Variants in MKLN1 observed in about 807,000 individuals in gnomAD.
The protein encoded by MKLN1 is muskelin 1.
MKLN1 carries 18 observed loss-of-function variants against 99.0 expected under a neutral mutation model. The observed-to-expected ratio is 0.18, with a 90% CI of 0.13 to 0.27. The LOEUF (loss-of-function observed/expected upper bound fraction) is 0.27, where lower values mean the gene tolerates loss of function less well. Among genes scored for constraint, MKLN1 ranks in the 10% least tolerant of loss-of-function variants. The pLI, the probability that MKLN1 is intolerant of heterozygous loss-of-function variation, is 1.00. For missense variants in MKLN1, 621 were observed against 875.9 expected (o/e 0.71, Z 3.67); for synonymous variants, 288 against 293.2 (o/e 0.98, Z 0.18).
At chr7:131,407,133 T>C (rs949625355) in intron 6 of MKLN1, among the ~76,000 whole-genome samples, 4 of 152,208 alleles carry the variant, frequency 2.6e-5, no homozygotes, top group African/African-American at 9.6e-5. Flanking sequence ...TTAGTGTCTC[T>C]TTCTTACACT....
intron 1 of MKLN1, among the ~76,000 whole-genome samples, chr7:131,348,088 A>G (rs1799615480): frequency 6.6e-6 from 1 of 152,214 alleles, no homozygotes; most frequent in African/African-American, 2.4e-5. Flanking sequence ...ACTTGATTTC[A>G]GTTATATCAC....
At chr7:131,162,343 A>C (rs969767535) in intron 2 of MKLN1, among the ~76,000 whole-genome samples, 4 of 152,088 alleles carry the variant, frequency 2.6e-5, no homozygotes, top group Non-Finnish European at 5.9e-5. Flanking sequence ...ATGAACCAAC[A>C]CGCTCATGGT....
At position 131,490,275 on chromosome 7, in the gene MKLN1, A is replaced by G. The variant is rs1797392366; in HGVS notation, c.*2547A>G. 6.6e-6 allele frequency: 1 copy of G among 152,622 alleles called. No individual in the cohort carries two copies. Among genetic ancestry groups the G allele is most frequent in the Admixed American group, 6.5e-5 (1 of 15,274 alleles). 9.5% of individuals were successfully genotyped at this position (152,622 alleles called of 1,614,324 possible). ...GAAACACCTGGCTAACACTTTAGAC[A>G]CATAAATTAAGTGGGATACAGTTTT... On this transcript the variant is annotated 3_prime_UTR_variant, in exon 18 of 18. Transcript: ENST00000352689.
intron 3 of MKLN1, among the ~76,000 whole-genome samples, chr7:131,209,054 T>A (rs1796860648): frequency 6.6e-6 from 1 of 152,096 alleles, no homozygotes; most frequent in South Asian, 2.1e-4. Flanking sequence ...AAGATCAGAA[T>A]GAAGAGCACT....
intron 15 of MKLN1, among the ~76,000 whole-genome samples, chr7:131,466,835 G>A (rs1465724655): frequency 6.6e-6 from 1 of 152,078 alleles, no homozygotes; most frequent in Non-Finnish European, 1.5e-5. Context: ...TTCAAAGCTT[G>A]TAGTTTTATG....
At chr7:131,167,157 T>A (rs1161576290) in intron 2 of MKLN1, among the ~76,000 whole-genome samples, 1 of 146,120 alleles carries the variant, frequency 6.8e-6, no homozygotes, top group Non-Finnish European at 1.5e-5. Context: ...ACTGAAGCTG[T>A]AAAAAAAAAA....
At chr7:131,416,334 A>G (rs1795013556) in intron 8 of MKLN1, among the ~76,000 whole-genome samples, 1 of 152,194 alleles carries the variant, frequency 6.6e-6, no homozygotes, top group Non-Finnish European at 1.5e-5. Context: ...GTACATGTGT[A>G]AGAAAGACAA....
chr7:131,204,486 G>A (rs551716968), intron 3 of MKLN1, among the ~76,000 whole-genome samples: 1 of 152,158 alleles, frequency 6.6e-6, no homozygotes, highest in Admixed American at 6.5e-5. Flanking sequence ...TGTAGATGTA[G>A]TATCCAATAG....
intron 3 of MKLN1, among the ~76,000 whole-genome samples, chr7:131,289,191 C>T (rs1268116529): frequency 6.6e-6 from 1 of 152,182 alleles, no homozygotes; most frequent in East Asian, 1.9e-4. Flanking sequence ...TGTCCCCACC[C>T]CTGGCCTAAA....
chr7:131,322,400 G>A (rs1279818352), intron 3 of MKLN1, among the ~76,000 whole-genome samples: 1 of 152,108 alleles, frequency 6.6e-6, no homozygotes, highest in Non-Finnish European at 1.5e-5. Context: ...CCTGAGACCG[G>A]ATAATTTATA....
At chr7:131,132,437 T>C (rs571874234) in intron 1 of MKLN1, among the ~76,000 whole-genome samples, 2 of 152,348 alleles carry the variant, frequency 1.3e-5, no homozygotes, top group South Asian at 4.1e-4. Context: ...AAGACACATA[T>C]ACATACATAC....
chr7:131,116,507 C>G (rs10255343), intron 1 of MKLN1, among the ~76,000 whole-genome samples: 11,908 of 152,080 alleles, frequency 0.078, 901 homozygotes, highest in South Asian at 0.26. Flanking sequence ...TTCTGCAAAT[C>G]AATTCACACA....
Position 131,470,919 on chromosome 7 carries a change from A to G in MKLN1, c.2006A>G (p.His669Arg). ...AATGATCTTTATATAACTGTGGATC[A>G]TTCAGACCCAGAAGAGACAAAAGAG... ...LQNDLYITVD[H>R]SDPEETKEFQ... The change falls in exon 16 of 18, where the codon CAT becomes CGT. Residue 669 changes from histidine to arginine, a missense_variant. His to Arg is a conservative substitution (Grantham distance 29). Around this residue, in one of 8 missense-constraint regions of MKLN1, gnomAD observed 126 missense variants for 157.4 expected, o/e 0.80. Transcript: ENST00000352689. The G allele has an allele frequency of 6.2e-7, 1 of 1,611,156 alleles. No individual in the cohort carries two copies. Among genetic ancestry groups the G allele is most frequent in the East Asian group, 2.2e-5 (1 of 44,804 alleles).
chr7:131,255,578 A>C (rs1251101817), intron 3 of MKLN1, among the ~76,000 whole-genome samples: 1 of 151,984 alleles, frequency 6.6e-6, no homozygotes, highest in Non-Finnish European at 1.5e-5. Flanking sequence ...TCATCTATCT[A>C]TCTCTCTATT....
chr7:131,366,699 C>A (rs539410281), intron 1 of MKLN1, among the ~76,000 whole-genome samples: 45 of 152,264 alleles, frequency 3.0e-4, no homozygotes, highest in African/African-American at 9.6e-4. Flanking sequence ...GTAATCCCAG[C>A]TACTCTGGAG....
intron 8 of MKLN1, 36 bp from the exon 9 acceptor site, chr7:131,428,997 C>CG: frequency 1.5e-6 from 2 of 1,311,306 alleles, no homozygotes; most frequent in East Asian, 5.4e-5. Context: ...TTATTTTGTC[C>CG]TTTTTTTTTT....
chr7:131,279,406 T>A (rs921882144), intron 3 of MKLN1, among the ~76,000 whole-genome samples: 13 of 152,324 alleles, frequency 8.5e-5, no homozygotes, highest in African/African-American at 2.6e-4. Context: ...CTTGGTATGA[T>A]CAGCAACAGT....
At chr7:131,477,866 T>G (rs531084986) in intron 16 of MKLN1, among the ~76,000 whole-genome samples, 2 of 152,232 alleles carry the variant, frequency 1.3e-5, no homozygotes, top group Non-Finnish European at 2.9e-5. Flanking sequence ...ATTCATTCCT[T>G]TAACTGGTCT....
intron 2 of MKLN1, among the ~76,000 whole-genome samples, chr7:131,172,315 AT>A (rs34940160): frequency 0.28 from 38,799 of 140,330 alleles, 5,410 homozygotes; most frequent in East Asian, 0.56. Context: ...TAATTTTTGT[AT>A]TTTTTTTTTT....
Sources: gnomAD v4.1 joint callset for allele counts (sites outside exome capture counted in the v4.1 genomes callset) on GRCh38, gnomAD v4.1.1 for gene constraint, gnomAD v4.1.1 regional missense constraint, MANE v1.5 for transcripts, NCBI Gene and HGNC (gene_info 2026-07-23, HGNC 2026-07-21) for gene names.